CNTNAP2: variants seen among roughly 807,000 people sequenced by gnomAD.
CNTNAP2 encodes contactin-associated protein-like 2.
Under a neutral mutation model 155.2 loss-of-function variants are expected in CNTNAP2, and 98 were observed. The ratio of observed to expected loss-of-function variants is 0.63; its 90% CI spans 0.54 to 0.75. CNTNAP2 has a LOEUF of 0.75. Ranked by LOEUF, CNTNAP2 falls within the 30% of genes least tolerant of loss-of-function variation. The probability of loss-of-function intolerance (pLI) is 0.00; values close to 1 mark genes in which losing one functional copy is unlikely to be tolerated. For missense variants in CNTNAP2, 1,727 were observed against 1,688.1 expected, an observed-to-expected ratio of 1.02 and a Z score of -0.40; for synonymous variants, 651 against 631.2, an observed-to-expected ratio of 1.03 and a Z score of -0.47.
intron 1 of CNTNAP2, among the ~76,000 whole-genome samples, chr7:146,676,720 C>T (rs962108192): frequency 6.6e-6 from 1 of 152,136 alleles, no homozygotes; most frequent in African/African-American, 2.4e-5. Context: ...GCTCATCTTA[C>T]ATGGTGGCAG....
chr7:147,154,100 C>T, intron 8 of CNTNAP2, among the ~76,000 whole-genome samples: 1 of 150,658 alleles, frequency 6.6e-6, no homozygotes, highest in South Asian at 2.1e-4. Context: ...GATGCCCGCC[C>T]TCCCCCCACA....
intron 12 of CNTNAP2, among the ~76,000 whole-genome samples, chr7:147,637,423 T>C (rs73164392): frequency 0.07 from 10,687 of 152,084 alleles, 396 homozygotes; most frequent in Non-Finnish European, 0.075. Flanking sequence ...ACTCCTGGGT[T>C]TTGTCTTGAG....
rs112190428 is a variant in CNTNAP2, at chr7:148,388,854, G to A, written c.3715+4966G>A. Among the ~76,000 whole-genome samples, 1,154 of 152,256 alleles carry A rather than the reference G, an allele frequency of 7.6e-3. 15 individuals are homozygous for A. Among genetic ancestry groups the A allele is most frequent in the African/African-American group, 0.026 (1,089 of 41,542 alleles). On this transcript the variant is annotated intron_variant, in intron 22 of 23. Transcript: ENST00000361727. ...GGTGTTTGCAGAACAGCGGTTTTTCGTGAACTGCGAATGCTGCCATCTGAT... is the reference window on the plus strand; with the variant it reads ...GGTGTTTGCAGAACAGCGGTTTTTCATGAACTGCGAATGCTGCCATCTGAT...
intron 3 of CNTNAP2, among the ~76,000 whole-genome samples, chr7:146,974,194 G>C (rs761857440): frequency 1.3e-5 from 2 of 151,968 alleles, no homozygotes; most frequent in African/African-American, 2.4e-5. Flanking sequence ...TCAGTTACTT[G>C]GGCTGGGCAG....
At chr7:147,320,313 C>T (rs886475820) in intron 9 of CNTNAP2, among the ~76,000 whole-genome samples, 1 of 152,170 alleles carries the variant, frequency 6.6e-6, no homozygotes, top group South Asian at 2.1e-4. Context: ...GCAAAGCAAG[C>T]TGGGAAATAA....
chr7:147,447,658 G>A (rs1029522090), intron 10 of CNTNAP2, among the ~76,000 whole-genome samples: 7 of 152,156 alleles, frequency 4.6e-5, no homozygotes, highest in African/African-American at 1.7e-4. Flanking sequence ...GACCTCACGT[G>A]ATCTGCCTGC....
At chr7:147,646,337 G>A (rs185851565) in intron 13 of CNTNAP2, among the ~76,000 whole-genome samples, 15 of 152,264 alleles carry the variant, frequency 9.9e-5, no homozygotes, top group Non-Finnish European at 1.3e-4. Flanking sequence ...CAAAGTGATG[G>A]CACTAGGAAT....
chr7:147,920,364 A>C (rs1367841703), intron 14 of CNTNAP2, among the ~76,000 whole-genome samples: 1 of 151,332 alleles, frequency 6.6e-6, no homozygotes, highest in African/African-American at 2.4e-5. Flanking sequence ...TCAAAAAAAA[A>C]AAAAAAAAAA....
rs891620072 is a variant in CNTNAP2 at position 148,357,562 on chromosome 7, C to T, written c.3476-26087C>T. Among the ~76,000 whole-genome samples the T allele has an allele frequency of 9.2e-5, 14 of 152,112 alleles. 1 individual carries two copies. The highest frequency in any genetic ancestry group is 9.2e-4 in the Admixed American group (14 of 15,278). ...CCACAGGCTTCCCTTGATCCTGTGC[C>T]CCAATCTAGATCCATAGCTCTCTCC... On this transcript the variant is annotated intron_variant, in intron 21 of 23. Transcript: ENST00000361727.
chr7:147,126,122 G>A (rs1378855683), intron 6 of CNTNAP2, among the ~76,000 whole-genome samples: 1 of 152,118 alleles, frequency 6.6e-6, no homozygotes, highest in Non-Finnish European at 1.5e-5. Flanking sequence ...ACCAAAACTG[G>A]CTTCAAAGAA....
At position 146,477,179 on chromosome 7, in the gene CNTNAP2, G is replaced by A. The variant is rs967191125; in HGVS notation, c.98-297092G>A. Among the ~76,000 whole-genome samples the A allele has an allele frequency of 5.3e-5, 8 of 152,210 alleles. No homozygotes were observed. The East Asian group carries it at 1.2e-3, about 22-fold the overall frequency. On this transcript the variant is annotated intron_variant, in intron 1 of 23. Transcript: ENST00000361727. ...TCAGTATTTGAAAATCCATGTTTTA[G>A]TTTCAACTGAACCACTACCTAGTCA...
chr7:147,210,099 T>G (rs938561338), intron 8 of CNTNAP2, among the ~76,000 whole-genome samples: 3 of 152,082 alleles, frequency 2.0e-5, no homozygotes, highest in Non-Finnish European at 4.4e-5. Flanking sequence ...AGGATGATGC[T>G]AGCTTTGTAC....
At chr7:147,572,461 C>T (rs529853909) in intron 12 of CNTNAP2, among the ~76,000 whole-genome samples, 1 of 152,124 alleles carries the variant, frequency 6.6e-6, no homozygotes, top group Non-Finnish European at 1.5e-5. Context: ...AAATCGTACT[C>T]TCTATGCAAA....
intron 1 of CNTNAP2, among the ~76,000 whole-genome samples, chr7:146,295,964 T>G (rs926640750): frequency 6.6e-6 from 1 of 152,058 alleles, no homozygotes; most frequent in African/African-American, 2.4e-5. Flanking sequence ...CTCACAGGGT[T>G]AGTAAGTATT....
intron 1 of CNTNAP2, among the ~76,000 whole-genome samples, chr7:146,542,592 A>G (rs1332245721): frequency 6.6e-6 from 1 of 150,860 alleles, no homozygotes; most frequent in Non-Finnish European, 1.5e-5. Context: ...TCTCTCCTTT[A>G]GAGACCCCCC....
chr7:148,313,812 C>T (rs1485759617), intron 21 of CNTNAP2, among the ~76,000 whole-genome samples: 1 of 152,042 alleles, frequency 6.6e-6, no homozygotes. Context: ...GCCTTTTGAC[C>T]TTTTAGGGTC....
At chr7:146,825,445 A>T (rs145237382) in intron 2 of CNTNAP2, among the ~76,000 whole-genome samples, 115 of 152,270 alleles carry the variant, frequency 7.6e-4, no homozygotes, top group Middle Eastern at 3.4e-3. Flanking sequence ...CTCACTATGC[A>T]TGAGTCCTGG....
At chr7:147,743,605 G>C (rs1796990470) in intron 13 of CNTNAP2, among the ~76,000 whole-genome samples, 1 of 152,128 alleles carries the variant, frequency 6.6e-6, no homozygotes, top group African/African-American at 2.4e-5. Flanking sequence ...TTGCGTTTCT[G>C]CTTTATTCCG....
intron 2 of CNTNAP2, among the ~76,000 whole-genome samples, chr7:146,786,011 A>G (rs1802568453): frequency 6.6e-6 from 1 of 152,184 alleles, no homozygotes; most frequent in Admixed American, 6.5e-5. Context: ...CCAGGAAAGA[A>G]TAGGGCAAGT....
Sources: allele counts gnomAD v4.1 joint callset (sites outside exome capture counted in the v4.1 genomes callset), GRCh38; gene constraint gnomAD v4.1.1; transcripts MANE v1.5; gene names NCBI Gene and HGNC (gene_info 2026-07-23, HGNC 2026-07-21).